The following CAMTA2 variants were observed in gnomAD, a reference collection of about 807,000 sequenced individuals.
CAMTA2 encodes calmodulin binding transcription activator 2.
CAMTA2 carries 56 observed loss-of-function variants against 135.7 expected under a neutral mutation model. The ratio of observed to expected loss-of-function variants is 0.41; its 90% CI spans 0.33 to 0.52. CAMTA2 has a LOEUF of 0.52. Ranked by LOEUF, CAMTA2 falls within the 20% of genes least tolerant of loss-of-function variation. The pLI, the probability that CAMTA2 is intolerant of heterozygous loss-of-function variation, is 0.16. For missense variants in CAMTA2, 1,358 were observed against 1,553.4 expected, an observed-to-expected ratio of 0.87 and a Z score of 2.11; for synonymous variants, 591 against 604.6, an observed-to-expected ratio of 0.98 and a Z score of 0.33.
In CAMTA2 at chr17:4,968,201, C is replaced by G. The variant is rs1195457137; in HGVS notation, c.*555G>C. ...AGACCCCTCCCCTCGGGGGACGGGG[C>G]GGACTCCGCAACGCGTTCCTATGTA... On this transcript the variant is annotated 3_prime_UTR_variant, in exon 23 of 23. Coordinates refer to ENST00000348066, the MANE Select transcript of CAMTA2 (RefSeq NM_015099.4). 1 of 255,502 alleles carries G rather than the reference C, an allele frequency of 3.9e-6. No homozygotes were observed. Among genetic ancestry groups the G allele is most frequent in the East Asian group, 9.0e-5 (1 of 11,050 alleles). 15.8% of individuals were successfully genotyped at this position (255,502 alleles called of 1,614,324 possible). A position where few individuals can be genotyped will look rare whatever the true frequency, so the allele number is the denominator to read the frequency against.
At position 4,987,008 on chromosome 17, in the gene CAMTA2, TG is replaced by T. The variant is rs998723452; in HGVS notation, c.-65+584del. ...CCCCCCGCCCTCCTCGGGGAACAGA[TG>T]GGAGCTGGCGGAGGCTCTCAGCACG... On this transcript the variant is annotated intron_variant, in intron 1 of 22. Coordinates refer to ENST00000348066, the MANE Select transcript of CAMTA2 (RefSeq NM_015099.4). The T allele has an allele frequency of 6.2e-6, 9 of 1,446,102 alleles. No homozygotes were observed. The African/African-American group carries it at 7.3e-5, about 12-fold the overall frequency. 89.6% of individuals were successfully genotyped at this position (1,446,102 alleles called of 1,614,324 possible).
At chr17:4,973,077 A>G (rs534002573) in intron 14 of CAMTA2, 86 bp from the exon 15 acceptor site, 1 of 1,502,078 alleles carries the variant, frequency 6.7e-7, no homozygotes, top group Admixed American at 1.7e-5. Flanking sequence ...TTCAGGCCCC[A>G]GCCCACCCCA....
Position 4,969,775 on chromosome 17 carries a change from G to A in CAMTA2, c.3190-74C>T, listed in dbSNP as rs746802777. 1.3e-4 allele frequency: 201 copies of A among 1,600,298 alleles called. 2 individuals carry two copies. The highest frequency in any genetic ancestry group is 2.5e-4 in the South Asian group (23 of 90,698). ...CTGACTTGTCCCTTCAACTTTCCTG[G>A]GGTTCCCCTGACCCTTTACCCCATC... On this transcript the variant is annotated intron_variant, in intron 18 of 22. Transcript: ENST00000348066. This position sits in a 1 kb window ranked among gnomAD's most constrained non-coding sequence, Gnocchi z 5.6.
chr17:4,974,696 A>C, intron 11 of CAMTA2, 196 bp from the exon 12 acceptor site: 1 of 536,956 alleles, frequency 1.9e-6, no homozygotes, highest in Non-Finnish European at 3.4e-6. Context: ...GGCTGTTAAT[A>C]CTACCCACTG....
Position 4,979,899 on chromosome 17 carries a change from G to A in CAMTA2, c.1423C>T (p.Pro475Ser). Residue 475 changes from proline (P) to serine (S), a missense_variant, in exon 9 of 23, where the codon CCC (proline) becomes TCC (serine). By Grantham distance (74) the Pro-to-Ser change is moderately conservative. Transcript: ENST00000348066. ...PPPSPPPSPAPLEPSSRVGRG... is the reference protein window; with the variant it reads ...PPPSPPPSPASLEPSSRVGRG... ...CCTACCCTGCTTGACGGCTCCAAGG[G>A]GGCAGGTGAGGGTGGGGGTGAGGGA... 1.3e-5 allele frequency: 21 copies of A among 1,613,630 alleles called. No individual in the cohort carries two copies. Among genetic ancestry groups the A allele is most frequent in the Non-Finnish European group, 1.7e-5 (20 of 1,179,800 alleles).
Position 4,981,401 on chromosome 17 carries a change from C to G in CAMTA2, c.566-42G>C, listed in dbSNP as rs554915274. 1.9e-6 allele frequency: 3 copies of G among 1,606,672 alleles called. No homozygotes were observed. In the South Asian group the frequency reaches 3.3e-5, roughly 18 times the overall value. ...GAAGTGCTGTGGGATCCCCACGAAACAGGCCCCAGAGTACCTTGATGGCTC... is the reference window on the plus strand; with the variant it reads ...GAAGTGCTGTGGGATCCCCACGAAAGAGGCCCCAGAGTACCTTGATGGCTC... On this transcript the variant is annotated intron_variant, in intron 7 of 22. Transcript: ENST00000348066.
chr17:4,980,093 C>T lies in CAMTA2; in HGVS notation c.1229G>A (p.Cys410Tyr). ...GGCAGCAGCAGGCTCTAGGGCAGAA[C>T]AGGGGGTATGAGCGGCCTCTGCCTC... is the stretch of plus-strand genomic sequence containing the variant. ...FPEAEAAHTPCSALEPAAALE... is the reference protein window; with the variant it reads ...FPEAEAAHTPYSALEPAAALE... Residue 410 changes from cysteine to tyrosine, a missense_variant, in exon 9 of 23, where the codon TGT (cysteine) becomes TAT (tyrosine). Cys to Tyr is a radical substitution (Grantham distance 194). Transcript: ENST00000348066. This position sits in a 1 kb window ranked among gnomAD's most constrained non-coding sequence, Gnocchi z 5.3. 2 of 1,613,210 alleles carry T rather than the reference C, an allele frequency of 1.2e-6. No individual in the cohort carries two copies. Among genetic ancestry groups the T allele is most frequent in the Non-Finnish European group, 1.7e-6 (2 of 1,179,530 alleles).
At chr17:4,975,258 G>A (rs542559748) in intron 11 of CAMTA2, among the ~76,000 whole-genome samples, 1 of 152,192 alleles carries the variant, frequency 6.6e-6, no homozygotes, top group South Asian at 2.1e-4. Context: ...GGGGATGAAG[G>A]TACACAGGTG....
chr17:4,987,531 C>T, intron 1 of CAMTA2, 62 bp downstream of exon 1: 5 of 1,465,048 alleles, frequency 3.4e-6, no homozygotes, highest in Non-Finnish European at 4.5e-6. Flanking sequence ...GCGTCGGGAC[C>T]TGGAGGAGCT....
Position 4,969,948 on chromosome 17 carries a change from A to T in CAMTA2, c.3143T>A (p.Leu1048Gln), listed in dbSNP as rs1448707127. The T allele has an allele frequency of 1.9e-6, 3 of 1,614,216 alleles. No homozygotes were observed. The East Asian group carries it at 6.7e-5, about 36-fold the overall frequency. The part of the protein sequence containing the change: ...LTLSDHEQRE[L>Q]YEAARVIQTA... The stretch of plus-strand genomic sequence containing the variant: ...CTGGATGACTCGGGCAGCCTCATAC[A>T]GTTCCCGCTGCTCGTGATCTGATAG... The change falls in exon 18 of 23, where the codon CTG becomes CAG. Residue 1048 changes from leucine to glutamine, a missense_variant. Coordinates refer to ENST00000348066, the MANE Select transcript of CAMTA2 (RefSeq NM_015099.4). The surrounding 1 kb of genome is among the most constrained non-coding windows in gnomAD (Gnocchi z 5.6).
chr17:4,975,181 A>T (rs975158974), intron 11 of CAMTA2, among the ~76,000 whole-genome samples: 1 of 152,104 alleles, frequency 6.6e-6, no homozygotes, highest in African/African-American at 2.4e-5. Context: ...GCAGGAGGGG[A>T]TCAGAGCTGT....
Position 4,974,484 on chromosome 17 carries a change from C to T in CAMTA2, c.1917G>A (p.Met639Ile), listed in dbSNP as rs1279477483. ...TCTGCTCCAGTCGCTCTAGTATGGA[C>T]ATCCGGAACTGGTTGTCTGAGGGGG... ...WLSLDDNQFR[M>I]SILERLEQME... The change falls in exon 12 of 23, where the codon ATG (methionine) becomes ATA (isoleucine). Residue 639 changes from methionine (M) to isoleucine (I), a missense_variant. Met to Ile is a conservative substitution (Grantham distance 10, BLOSUM62 1). Around this residue, in one of 4 missense-constraint regions of CAMTA2, gnomAD observed 1,077 missense variants for 1,127.5 expected, o/e 0.96. Coordinates refer to ENST00000348066, the MANE Select transcript of CAMTA2 (RefSeq NM_015099.4). 1 of 1,613,382 alleles carries T rather than the reference C, an allele frequency of 6.2e-7. No homozygotes were observed. The highest frequency in any genetic ancestry group is 1.7e-5 in the Admixed American group (1 of 60,016).
intron 3 of CAMTA2, among the ~76,000 whole-genome samples, chr17:4,984,956 G>A (rs1973169377): frequency 6.6e-6 from 1 of 151,442 alleles, no homozygotes; most frequent in African/African-American, 2.4e-5. Flanking sequence ...GGCAGAGCTT[G>A]CAGTGAGCCG....
At position 4,980,418 on chromosome 17, in the gene CAMTA2, C is replaced by A. The variant is rs374686315; in HGVS notation, c.904G>T (p.Ala302Ser). The A allele has an allele frequency of 6.2e-7, 1 of 1,611,274 alleles. No homozygotes were observed. Among genetic ancestry groups the A allele is most frequent in the Non-Finnish European group, 8.5e-7 (1 of 1,179,698 alleles). Residue 302 changes from alanine (A) to serine (S), a missense_variant, in exon 9 of 23, where the codon GCA (alanine) becomes TCA (serine). Ala to Ser is a moderately conservative substitution (Grantham distance 99). Coordinates refer to ENST00000348066, the MANE Select transcript of CAMTA2 (RefSeq NM_015099.4). This position sits in a 1 kb window ranked among gnomAD's most constrained non-coding sequence, Gnocchi z 5.3. ...CTAGGTCTGATTTCTAGGGGCTCTG[C>A]AAAACCTGATGAGGAGGAAGAAGAG... Reference protein sequence around the residue: ...SSSSSSSSGFAEPLEIRPSPP... With the variant: ...SSSSSSSSGFSEPLEIRPSPP...
At position 4,969,548 on chromosome 17, in the gene CAMTA2, C is replaced by T. The variant is rs776185564; in HGVS notation, c.3262-28G>A. ...TGTGGAGAGAGAAGGGGAGTTAGGG[C>T]TCTGGCAACATTCTGGAATGGTTAG... is the stretch of plus-strand genomic sequence containing the variant. On this transcript the variant is annotated intron_variant, in intron 19 of 22. Transcript: ENST00000348066. The surrounding 1 kb of genome is among the most constrained non-coding windows in gnomAD (Gnocchi z 5.6). 1.2e-6 allele frequency: 2 copies of T among 1,613,980 alleles called. No homozygotes were observed. The highest frequency in any genetic ancestry group is 2.7e-5 in the African/African-American group (2 of 74,874).
At chr17:4,973,929 G>T in intron 12 of CAMTA2, 160 bp from the exon 13 acceptor site, 1 of 621,250 alleles carries the variant, frequency 1.6e-6, no homozygotes, top group Non-Finnish European at 2.8e-6. Flanking sequence ...TGTGGCCTGT[G>T]TCTCTTGCTC....
At position 4,969,146 on chromosome 17, in the gene CAMTA2, C is replaced by T. The variant is rs781638639; in HGVS notation, c.3470+4G>A. ...GGGCACAGAGGGCTGGGGCTGGGCC[C>T]TACTTGTTGCGGGCAGGCAGGGTGG... On this transcript the variant is annotated splice_donor_region_variant and intron_variant, in intron 21 of 22. Transcript: ENST00000348066. The surrounding 1 kb of genome is among the most constrained non-coding windows in gnomAD (Gnocchi z 5.6). 6.2e-7 allele frequency: 1 copy of T among 1,604,708 alleles called. No homozygotes were observed. The highest frequency in any genetic ancestry group is 1.3e-5 in the African/African-American group (1 of 74,764).
intron 12 of CAMTA2, 40 bp from the exon 13 acceptor site, chr17:4,973,809 A>G: frequency 6.5e-7 from 1 of 1,531,640 alleles, no homozygotes. Context: ...CCAGGTATCT[A>G]CTCCCCTGGC....
intron 11 of CAMTA2, among the ~76,000 whole-genome samples, chr17:4,976,014 C>T (rs1428234555): frequency 1.3e-5 from 2 of 151,384 alleles, no homozygotes; most frequent in Admixed American, 6.6e-5. Context: ...AAATTTTTTT[C>T]TTTTTTTTTG....
Sources: allele counts gnomAD v4.1 joint callset (sites outside exome capture counted in the v4.1 genomes callset), GRCh38; gene constraint gnomAD v4.1.1; regional missense constraint gnomAD v4.1.1; non-coding constraint Gnocchi (gnomAD v3.1); transcripts MANE v1.5; gene names NCBI Gene and HGNC (gene_info 2026-07-23, HGNC 2026-07-21).